The following CSMD1 variants were observed in gnomAD, a reference collection of about 807,000 sequenced individuals.
CSMD1 encodes CUB and sushi domain-containing protein 1.
Under a neutral mutation model 417.5 loss-of-function variants are expected in CSMD1, and 213 were observed. That is an observed-to-expected ratio of 0.51 (90% CI 0.46 to 0.57). The LOEUF is 0.57. CSMD1 is among the 20% of genes least tolerant of loss of function. The pLI, the probability that CSMD1 is intolerant of heterozygous loss-of-function variation, is 0.00. For synonymous variants in CSMD1, 2,862 were observed against 1,736.8 expected (o/e 1.65, Z -16.11); for missense variants, 6,923 against 4,529.7 (o/e 1.53, Z -15.17).
intron 39 of CSMD1, among the ~76,000 whole-genome samples, chr8:3,157,674 G>A (rs1329592028): frequency 6.6e-6 from 1 of 152,224 alleles, no homozygotes; most frequent in Non-Finnish European, 1.5e-5. Context: ...TCTGGTCTGT[G>A]CGGGCTGACC....
intron 2 of CSMD1, among the ~76,000 whole-genome samples, chr8:4,595,426 G>A (rs994309855): frequency 2.8e-5 from 3 of 105,506 alleles, no homozygotes; most frequent in Non-Finnish European, 6.7e-5. Context: ...TTGTCAATAT[G>A]CTAACAACAA....
chr8:3,764,637 C>A (rs1798171607), intron 5 of CSMD1, among the ~76,000 whole-genome samples: 2 of 152,002 alleles, frequency 1.3e-5, no homozygotes, highest in Admixed American at 6.6e-5. Flanking sequence ...TGTGACTTAC[C>A]ATGTGTCTGG....
At chr8:3,209,644 C>G (rs1480945272) in intron 30 of CSMD1, among the ~76,000 whole-genome samples, 2 of 152,152 alleles carry the variant, frequency 1.3e-5, no homozygotes, top group Non-Finnish European at 1.5e-5. Flanking sequence ...ATTGTTATGT[C>G]TGCATTACTG....
chr8:4,907,990 C>T (rs560238528), intron 1 of CSMD1, among the ~76,000 whole-genome samples: 2 of 152,254 alleles, frequency 1.3e-5, no homozygotes, highest in African/African-American at 4.8e-5. Context: ...TATTCTAATA[C>T]ACCATCTGGG....
chr8:4,455,963 ATG>A (rs1799448747), intron 2 of CSMD1, among the ~76,000 whole-genome samples: 10 of 133,748 alleles, frequency 7.5e-5, no homozygotes, highest in Admixed American at 1.6e-4. Context: ...AAAAAAAAAA[ATG>A]CAGTTAAGAT....
In CSMD1 at chr8:3,205,828, C is replaced by T. The variant is rs182523669; in HGVS notation, c.4868-208G>A. On this transcript the variant is annotated intron_variant, in intron 30 of 69. Transcript: ENST00000635120. ...AAGTAATCCAACTTAGGAGAAAAAC[C>T]TAATATTATTTTCAAGACATTTGTC... Among the ~76,000 whole-genome samples the T allele has an allele frequency of 3.8e-3, 572 of 151,992 alleles. 4 individuals are homozygous for T. Among genetic ancestry groups the T allele is most frequent in the African/African-American group, 0.012 (507 of 41,442 alleles).
At chr8:4,430,135 C>T (rs1278705740) in intron 2 of CSMD1, among the ~76,000 whole-genome samples, 1 of 152,134 alleles carries the variant, frequency 6.6e-6, no homozygotes, top group Admixed American at 6.5e-5. Context: ...TGTGCTGATT[C>T]CACAAAGCAA....
chr8:4,672,433 T>C (rs531847575), intron 1 of CSMD1, among the ~76,000 whole-genome samples: 3 of 152,286 alleles, frequency 2.0e-5, no homozygotes, highest in African/African-American at 7.2e-5. Context: ...TTGTAGTGTA[T>C]GTAAAATAAC....
At chr8:4,909,650 G>T (rs554200391) in intron 1 of CSMD1, among the ~76,000 whole-genome samples, 24 of 152,208 alleles carry the variant, frequency 1.6e-4, no homozygotes, top group African/African-American at 5.8e-4. Flanking sequence ...ATGAGTGTAG[G>T]GGCCTCCTAA....
At chr8:4,956,594 AAC>A (rs1421044482) in intron 1 of CSMD1, among the ~76,000 whole-genome samples, 1 of 150,682 alleles carries the variant, frequency 6.6e-6, no homozygotes, top group African/African-American at 2.4e-5. Context: ...ATATCATCAT[AAC>A]AGATATTTTT....
intron 3 of CSMD1, among the ~76,000 whole-genome samples, chr8:4,304,925 GAAC>G (rs1193396832): frequency 6.6e-6 from 1 of 152,090 alleles, no homozygotes; most frequent in Admixed American, 6.6e-5. Flanking sequence ...ATGAGATGAT[GAAC>G]AAGTACTCTT....
At chr8:3,712,686 T>C (rs181835660) in intron 6 of CSMD1, among the ~76,000 whole-genome samples, 225 of 152,326 alleles carry the variant, frequency 1.5e-3, no homozygotes, top group Non-Finnish European at 7.2e-4. Context: ...AGTCCAGTTA[T>C]CTAGTTTTCA....
intron 1 of CSMD1, among the ~76,000 whole-genome samples, chr8:4,804,183 G>A (rs890990493): frequency 2.0e-5 from 3 of 151,932 alleles, no homozygotes; most frequent in African/African-American, 4.8e-5. Flanking sequence ...ACCAAATAAT[G>A]AATTAATTTT....
In CSMD1 at chr8:3,230,074, C is replaced by A. The variant is rs1247275148; in HGVS notation, c.4311G>T (p.Arg1437=). 2 of 1,609,576 alleles carry A rather than the reference C, an allele frequency of 1.2e-6. No homozygotes were observed. The highest frequency in any genetic ancestry group is 1.7e-6 in the Non-Finnish European group (2 of 1,177,894). The change falls in exon 27 of 70, where the codon CGG becomes CGT. Residue 1437 remains arginine (R), a synonymous_variant. Coordinates refer to ENST00000635120, the MANE Select transcript of CSMD1 (RefSeq NM_033225.6). The part of the protein sequence containing the change: ...AKITCVQLNN[R]FFWQPDPPTC... ...TAGGAGGGTCTGGTTGCCAAAAGAA[C>A]CGGTTATTCAGCTGCACACAGGTGA...
intron 3 of CSMD1, among the ~76,000 whole-genome samples, chr8:4,294,486 C>T (rs775190049): frequency 6.6e-6 from 1 of 152,096 alleles, no homozygotes; most frequent in Non-Finnish European, 1.5e-5. Flanking sequence ...TCTGTTGTTT[C>T]ATTTAACCTC....
chr8:4,340,783 G>A (rs1262573791), intron 3 of CSMD1, among the ~76,000 whole-genome samples: 1 of 152,034 alleles, frequency 6.6e-6, no homozygotes, highest in South Asian at 2.1e-4. Flanking sequence ...ACTCATAATG[G>A]TTGCTTCTAG....
intron 11 of CSMD1, among the ~76,000 whole-genome samples, chr8:3,477,601 T>C (rs758151846): frequency 1.1e-4 from 17 of 152,174 alleles, no homozygotes; most frequent in Non-Finnish European, 2.4e-4. Context: ...GTTTCAGACA[T>C]GTGTTGATAA....
chr8:4,456,508 G>A (rs1300685087), intron 2 of CSMD1, among the ~76,000 whole-genome samples: 1 of 152,174 alleles, frequency 6.6e-6, no homozygotes, highest in Non-Finnish European at 1.5e-5. Flanking sequence ...TAGGTTCTAA[G>A]TAAATGTTTA....
At chr8:4,666,400 C>G (rs779722934) in intron 1 of CSMD1, among the ~76,000 whole-genome samples, 5 of 152,082 alleles carry the variant, frequency 3.3e-5, no homozygotes, top group Non-Finnish European at 7.4e-5. Context: ...GATAAGGACT[C>G]AATCAGCAAC....
Sources: gnomAD v4.1 joint callset for allele counts (sites outside exome capture counted in the v4.1 genomes callset) on GRCh38, gnomAD v4.1.1 for gene constraint, MANE v1.5 for transcripts, NCBI Gene and HGNC (gene_info 2026-07-23, HGNC 2026-07-21) for gene names.